Variants in DIP2C observed in about 807,000 individuals in gnomAD.
DIP2C encodes disco-interacting protein 2 homolog C.
In DIP2C, 33 loss-of-function variants were observed where a neutral mutation model predicts 192.4. That is an observed-to-expected ratio of 0.17 (90% CI 0.13 to 0.23). DIP2C has a LOEUF of 0.23. Ranked by LOEUF, DIP2C falls within the 10% of genes least tolerant of loss-of-function variation. The pLI, the probability that DIP2C is intolerant of heterozygous loss-of-function variation, is 1.00. For missense variants in DIP2C, 1,537 were observed against 2,110.1 expected, an observed-to-expected ratio of 0.73 and a Z score of 5.32; for synonymous variants, 979 against 864.1, an observed-to-expected ratio of 1.13 and a Z score of -2.33.
intron 17 of DIP2C, among the ~76,000 whole-genome samples, chr10:378,545 A>G (rs1036893999): frequency 1.3e-5 from 2 of 152,140 alleles, no homozygotes; most frequent in Non-Finnish European, 2.9e-5. Flanking sequence ...ACATGTGAAC[A>G]CATGCAGACA....
At chr10:321,603 G>GTTGTTAGAA in intron 31 of DIP2C, among the ~76,000 whole-genome samples, 2 of 143,052 alleles carry the variant, frequency 1.4e-5, no homozygotes, top group African/African-American at 5.4e-5. Flanking sequence ...AGAGACCGGC[G>GTTGTTAGAA]CTGTTAGAAC....
intron 1 of DIP2C, among the ~76,000 whole-genome samples, chr10:534,938 A>T (rs1847614378): frequency 6.6e-6 from 1 of 150,956 alleles, no homozygotes; most frequent in South Asian, 2.1e-4. Context: ...GGCCTCCCAA[A>T]GTGCTGGGAT....
At chr10:484,708 T>C in intron 2 of DIP2C, 1 of 1,532,382 alleles carries the variant, frequency 6.5e-7, no homozygotes, top group Non-Finnish European at 8.7e-7. Flanking sequence ...CTGTACGGGA[T>C]GGCACTCGGC....
chr10:340,191 A>G (rs1479034200), intron 29 of DIP2C, among the ~76,000 whole-genome samples: 1 of 151,774 alleles, frequency 6.6e-6, no homozygotes, highest in Non-Finnish European at 1.5e-5. Flanking sequence ...AAAAAAAAAA[A>G]GATAAAAGAT....
rs573824063 is a variant in DIP2C, at chr10:440,035, G to A, written c.394+836C>T. Among the ~76,000 whole-genome samples the A allele has an allele frequency of 1.1e-4, 17 of 152,264 alleles. 1 individual carries two copies. The highest frequency in any genetic ancestry group is 2.6e-4 in the African/African-American group (11 of 41,552). ...TCACAGAAACTAAACACCAAACAAC[G>A]TAGGTTCAATCCATGTTTCTAACAA... On this transcript the variant is annotated intron_variant, in intron 4 of 36. Transcript: ENST00000280886.
chr10:621,360 T>C (rs931102730), intron 1 of DIP2C, among the ~76,000 whole-genome samples: 3 of 148,738 alleles, frequency 2.0e-5, no homozygotes, highest in African/African-American at 7.6e-5. Flanking sequence ...TGCTCACGAG[T>C]CTGTGCCAAT....
At chr10:509,952 A>T (rs1280507989) in intron 1 of DIP2C, among the ~76,000 whole-genome samples, 2 of 152,210 alleles carry the variant, frequency 1.3e-5, no homozygotes, top group African/African-American at 4.8e-5. Context: ...TTTCACAGCA[A>T]AAGTGGCACA....
chr10:623,787 C>G (rs1452111700), intron 1 of DIP2C, among the ~76,000 whole-genome samples: 16 of 142,798 alleles, frequency 1.1e-4, no homozygotes, highest in African/African-American at 2.1e-4. Context: ...CTGAGGGGAG[C>G]AGGGGAGGGA....
chr10:487,844 G>A (rs928723905), intron 1 of DIP2C, among the ~76,000 whole-genome samples: 5 of 152,126 alleles, frequency 3.3e-5, no homozygotes, highest in Non-Finnish European at 5.9e-5. Context: ...CCAAAGTGCT[G>A]AGATTACAGG....
At chr10:439,138 G>A (rs573411530) in intron 4 of DIP2C, among the ~76,000 whole-genome samples, 1 of 152,194 alleles carries the variant, frequency 6.6e-6, no homozygotes, top group Non-Finnish European at 1.5e-5. Flanking sequence ...GAGCTACCGT[G>A]CCTAGCCCCT....
chr10:601,701 G>A (rs1852083712), intron 1 of DIP2C, among the ~76,000 whole-genome samples: 1 of 152,212 alleles, frequency 6.6e-6, no homozygotes, highest in African/African-American at 2.4e-5. Flanking sequence ...GGCGCCCACT[G>A]CCCTGACTGC....
intron 29 of DIP2C, 33 bp from the exon 30 acceptor site, chr10:329,634 GCTCAGCAAGGCT>G: frequency 2.3e-6 from 1 of 438,722 alleles, no homozygotes; most frequent in Non-Finnish European, 3.8e-6. Flanking sequence ...CAGGGCGGGA[GCTCAGCAAGGCT>G]GGAGCTCAGC....
intron 2 of DIP2C, among the ~76,000 whole-genome samples, chr10:478,753 T>C (rs368493977): frequency 1.1e-4 from 17 of 151,562 alleles, no homozygotes; most frequent in African/African-American, 3.6e-4. Context: ...ATTCCCGTCT[T>C]ATTCTCACTC....
intron 1 of DIP2C, chr10:650,253 G>T (rs369495885): frequency 1.4e-5 from 10 of 716,962 alleles, no homozygotes; most frequent in East Asian, 2.7e-5. Context: ...TCAGGAGACA[G>T]CTGGCCCGAG....
At chr10:662,765 C>A in intron 1 of DIP2C, 1 of 668,738 alleles carries the variant, frequency 1.5e-6, no homozygotes, top group South Asian at 1.7e-5. Context: ...TATCTTATTT[C>A]TCTTGTGTTG....
chr10:373,691 G>C (rs976327422), intron 17 of DIP2C, among the ~76,000 whole-genome samples: 6 of 152,150 alleles, frequency 3.9e-5, no homozygotes, highest in African/African-American at 1.4e-4. Flanking sequence ...TGTGGCTCTG[G>C]AATGTGTCTA....
intron 1 of DIP2C, among the ~76,000 whole-genome samples, chr10:570,050 C>T (rs1025589359): frequency 6.6e-6 from 1 of 152,166 alleles, no homozygotes; most frequent in African/African-American, 2.4e-5. Context: ...ACTCCACAGA[C>T]TGAAGTATGC....
chr10:349,963 G>A lies in DIP2C; in HGVS notation c.2986-509C>T, dbSNP rs150803652. Among the ~76,000 whole-genome samples the A allele has an allele frequency of 1.8e-4, 27 of 152,254 alleles. No homozygotes were observed. The South Asian group carries it at 4.8e-3, about 27-fold the overall frequency. On this transcript the variant is annotated intron_variant, in intron 24 of 36. Transcript: ENST00000280886. ...ACAGGAATGAAAAGAACTATCAAACGCATTTTCACATAGACTTTAATGTAC... is the reference window on the plus strand; with the variant it reads ...ACAGGAATGAAAAGAACTATCAAACACATTTTCACATAGACTTTAATGTAC...
intron 1 of DIP2C, among the ~76,000 whole-genome samples, chr10:490,400 G>A (rs1337218264): frequency 6.6e-6 from 1 of 152,234 alleles, no homozygotes; most frequent in East Asian, 1.9e-4. Flanking sequence ...TCACGTGTCT[G>A]TTATCCCGCT....
Sources: allele counts gnomAD v4.1 joint callset (sites outside exome capture counted in the v4.1 genomes callset), GRCh38; gene constraint gnomAD v4.1.1; transcripts MANE v1.5; gene names NCBI Gene and HGNC (gene_info 2026-07-23, HGNC 2026-07-21).